Variants in COG5 observed in about 807,000 individuals in gnomAD.
COG5 encodes the protein component of oligomeric golgi complex 5.
In COG5, 86 loss-of-function variants were observed where a neutral mutation model predicts 110.4. That is an observed-to-expected ratio of 0.78 (90% CI 0.65 to 0.93). The LOEUF (loss-of-function observed/expected upper bound fraction) is 0.93, where lower values mean the gene tolerates loss of function less well. COG5 is among the 40% of genes least tolerant of loss of function. The probability of loss-of-function intolerance (pLI) is 0.00; values close to 1 mark genes in which losing one functional copy is unlikely to be tolerated. For missense variants in COG5, 1,077 were observed against 987.0 expected, an observed-to-expected ratio of 1.09 and a Z score of -1.22; for synonymous variants, 360 against 334.6, an observed-to-expected ratio of 1.08 and a Z score of -0.83.
chr7:107,246,254 T>C (rs1394475525), intron 17 of COG5, among the ~76,000 whole-genome samples: 1 of 151,956 alleles, frequency 6.6e-6, no homozygotes, highest in South Asian at 2.1e-4. Flanking sequence ...CCCAAAACTA[T>C]AAAACCCTGG....
In COG5 at chr7:107,203,079, T is replaced by C. The variant is rs193127052; in HGVS notation, c.*437A>G. On this transcript the variant is annotated 3_prime_UTR_variant, in exon 22 of 22. Coordinates refer to ENST00000297135, the MANE Select transcript of COG5 (RefSeq NM_006348.5). Reference sequence around the variant, plus strand: ...GGATTTTAAAAAAATCCCCTGGTGATTGGTATGAATGTGCAGCCAAATTTG... The same window carrying C: ...GGATTTTAAAAAAATCCCCTGGTGACTGGTATGAATGTGCAGCCAAATTTG... The C allele has an allele frequency of 5.3e-3, 892 of 167,950 alleles. 5 individuals are homozygous for C. The highest frequency in any genetic ancestry group is 8.4e-3 in the Non-Finnish European group (643 of 76,928). 10.4% of individuals were successfully genotyped at this position (167,950 alleles called of 1,614,324 possible). A position where few individuals can be genotyped will look rare whatever the true frequency, so the allele number is the denominator to read the frequency against.
intron 11 of COG5, among the ~76,000 whole-genome samples, chr7:107,300,118 A>C (rs1244560046): frequency 2.0e-5 from 3 of 151,976 alleles, no homozygotes; most frequent in Admixed American, 6.6e-5. Flanking sequence ...AAAGCATTTG[A>C]AAAAAATCTA....
intron 5 of COG5, among the ~76,000 whole-genome samples, chr7:107,527,582 A>G (rs949455330): frequency 5.3e-5 from 8 of 152,110 alleles, no homozygotes; most frequent in African/African-American, 1.9e-4. Flanking sequence ...TCCAGATGCT[A>G]AAGATTCACT....
chr7:107,386,801 G>A (rs1403907094), intron 7 of COG5, among the ~76,000 whole-genome samples: 2 of 152,078 alleles, frequency 1.3e-5, no homozygotes, highest in Non-Finnish European at 2.9e-5. Flanking sequence ...TATGCACAAG[G>A]GCAACAGGTC....
intron 12 of COG5, among the ~76,000 whole-genome samples, chr7:107,292,044 T>G (rs1190271174): frequency 1.3e-5 from 2 of 152,148 alleles, no homozygotes; most frequent in African/African-American, 4.8e-5. Flanking sequence ...TCTTTTTCTA[T>G]TTCCTTCTTT....
chr7:107,300,084 A>G (rs1437474623), intron 11 of COG5, among the ~76,000 whole-genome samples: 1 of 151,832 alleles, frequency 6.6e-6, no homozygotes, highest in Non-Finnish European at 1.5e-5. Context: ...GAAAAAGCGT[A>G]TGCTCCTTTC....
chr7:107,246,522 AAAAC>A (rs1373809899), intron 17 of COG5, among the ~76,000 whole-genome samples: 3 of 152,220 alleles, frequency 2.0e-5, no homozygotes, highest in Admixed American at 2.0e-4. Context: ...TCACAAGGGA[AAAAC>A]AAACAACCCC....
At chr7:107,248,540 T>G (rs1191099636) in intron 16 of COG5, 41 bp from the exon 17 acceptor site, 3 of 1,400,476 alleles carry the variant, frequency 2.1e-6, no homozygotes, top group Non-Finnish European at 3.0e-6. Flanking sequence ...GAGGCAAGAT[T>G]AAAGAAAAAC....
chr7:107,389,098 C>A (rs1790431394), intron 7 of COG5, among the ~76,000 whole-genome samples: 1 of 152,214 alleles, frequency 6.6e-6, no homozygotes, highest in Non-Finnish European at 1.5e-5. Flanking sequence ...ACCTGCTACA[C>A]TCTATTGGGC....
intron 5 of COG5, among the ~76,000 whole-genome samples, chr7:107,533,012 A>G (rs1026719673): frequency 6.6e-6 from 1 of 151,792 alleles, no homozygotes; most frequent in Non-Finnish European, 1.5e-5. Flanking sequence ...TGCAGCCTCC[A>G]CTGGTGATAC....
intron 11 of COG5, among the ~76,000 whole-genome samples, chr7:107,305,819 G>A (rs561358159): frequency 1.3e-5 from 2 of 152,046 alleles, no homozygotes; most frequent in South Asian, 2.1e-4. Context: ...AAATGTGCAA[G>A]CAAAGAAGGC....
chr7:107,265,536 A>C (rs1418912532), intron 14 of COG5, among the ~76,000 whole-genome samples: 4 of 152,138 alleles, frequency 2.6e-5, no homozygotes, highest in Non-Finnish European at 5.9e-5. Context: ...GATCTTCCAA[A>C]GATTACAGGT....
At chr7:107,307,022 G>A (rs1469636370) in intron 11 of COG5, among the ~76,000 whole-genome samples, 1 of 152,114 alleles carries the variant, frequency 6.6e-6, no homozygotes, top group Admixed American at 6.6e-5. Context: ...GCTCTCTCAT[G>A]ATATAAAAAA....
rs577579175 is a variant in COG5, at chr7:107,425,518, A to C, written c.539-12886T>G. On this transcript the variant is annotated intron_variant, in intron 6 of 21. Transcript: ENST00000297135. ...TCTGAATTTTACTAAAAAAAAAAAA[A>C]CACAAGAAATATTATATAGGTATTA... is the stretch of plus-strand genomic sequence containing the variant. 7.2e-5 allele frequency among the ~76,000 whole-genome samples: 11 copies of C among 151,780 alleles called. No individual in the cohort carries two copies. In the East Asian group the frequency reaches 9.7e-4, roughly 13 times the overall value.
intron 12 of COG5, among the ~76,000 whole-genome samples, chr7:107,284,581 A>T (rs1363200992): frequency 2.0e-5 from 3 of 152,188 alleles, no homozygotes; most frequent in Admixed American, 6.5e-5. Flanking sequence ...GAAGTCCTAA[A>T]ATCACGTAAA....
At chr7:107,431,948 C>G (rs1794053789) in intron 6 of COG5, among the ~76,000 whole-genome samples, 1 of 152,116 alleles carries the variant, frequency 6.6e-6, no homozygotes, top group Non-Finnish European at 1.5e-5. Flanking sequence ...CGAACCTGCC[C>G]AATCAACAAT....
chr7:107,546,435 G>GTTTTTTT (rs754919944), intron 5 of COG5, among the ~76,000 whole-genome samples: 128 of 119,494 alleles, frequency 1.1e-3, no homozygotes, highest in Middle Eastern at 4.7e-3. Context: ...TTGGTTTTTT[G>GTTTTTTT]TTTTTTTTTT....
At chr7:107,528,382 C>A (rs1277677129) in intron 5 of COG5, among the ~76,000 whole-genome samples, 1 of 152,284 alleles carries the variant, frequency 6.6e-6, no homozygotes, top group East Asian at 1.9e-4. Context: ...AGCCACCATG[C>A]GTGGTGATTT....
intron 7 of COG5, among the ~76,000 whole-genome samples, chr7:107,405,697 AG>A (rs1563014494): frequency 6.6e-6 from 1 of 152,220 alleles, no homozygotes; most frequent in Non-Finnish European, 1.5e-5. Context: ...AAGCTGCAAT[AG>A]TCTGAATGTT....
Sources: gnomAD v4.1 joint callset for allele counts (sites outside exome capture counted in the v4.1 genomes callset) on GRCh38, gnomAD v4.1.1 for gene constraint, MANE v1.5 for transcripts, NCBI Gene and HGNC (gene_info 2026-07-23, HGNC 2026-07-21) for gene names.